NDRG3: variants seen among roughly 807,000 people sequenced by gnomAD.
NDRG3 encodes the protein NDRG family member 3.
NDRG3 carries 23 observed loss-of-function variants against 57.2 expected under a neutral mutation model. The ratio of observed to expected loss-of-function variants is 0.40; its 90% CI spans 0.29 to 0.57. The LOEUF (loss-of-function observed/expected upper bound fraction) is 0.57, where lower values mean the gene tolerates loss of function less well. Among genes scored for constraint, NDRG3 ranks in the 20% least tolerant of loss-of-function variants. The probability of loss-of-function intolerance (pLI) is 0.42; values close to 1 mark genes in which losing one functional copy is unlikely to be tolerated. For synonymous variants in NDRG3, 132 were observed against 162.6 expected (o/e 0.81, Z 1.43); for missense variants, 384 against 457.3 (o/e 0.84, Z 1.46).
intron 6 of NDRG3, 84 bp downstream of exon 6, chr20:36,684,329 C>A: frequency 8.8e-7 from 1 of 1,142,292 alleles, no homozygotes; most frequent in Non-Finnish European, 1.3e-6. Context: ...TTTTCCTAAC[C>A]ATCATATCCT....
At chr20:36,655,918 G>A (rs1401965157) in intron 15 of NDRG3, among the ~76,000 whole-genome samples, 1 of 152,120 alleles carries the variant, frequency 6.6e-6, no homozygotes, top group Non-Finnish European at 1.5e-5. Flanking sequence ...GGCAGATCAT[G>A]AGGTCAAGAG....
chr20:36,653,921 G>A lies in NDRG3; in HGVS notation c.947-220C>T, dbSNP rs1978430601. Among the ~76,000 whole-genome samples the A allele has an allele frequency of 6.6e-6, 1 of 152,184 alleles. No individual in the cohort carries two copies. On this transcript the variant is annotated intron_variant, in intron 15 of 15. Coordinates refer to ENST00000349004, the MANE Select transcript of NDRG3 (RefSeq NM_032013.4). The surrounding 1 kb of genome is among the most constrained non-coding windows in gnomAD (Gnocchi z 4.2). ...GATCTGGTTGGAATCTCAGCTGATT[G>A]TAGTCACCGCAGAACAAGGGGAAAC...
chr20:36,675,614 G>C (rs541991675), intron 8 of NDRG3, among the ~76,000 whole-genome samples: 2 of 151,948 alleles, frequency 1.3e-5, no homozygotes, highest in Middle Eastern at 3.2e-3. Context: ...TCGAACTCCC[G>C]ACTTCAGGTG....
rs552621245 is a variant in NDRG3 at position 36,674,557 on chromosome 20, T to C, written c.532-3160A>G. ...TACCTTTCAAAAAAGTTCCTAGATA[T>C]GGACTTATTGAATCTCATGGTTTGA... On this transcript the variant is annotated intron_variant, in intron 8 of 15. Coordinates refer to ENST00000349004, the MANE Select transcript of NDRG3 (RefSeq NM_032013.4). Among the ~76,000 whole-genome samples, 20 of 150,760 alleles carry C rather than the reference T, an allele frequency of 1.3e-4. 1 individual carries two copies. The South Asian group carries it at 3.6e-3, about 27-fold the overall frequency.
At chr20:36,664,695 A>G (rs1427019730) in intron 12 of NDRG3, among the ~76,000 whole-genome samples, 1 of 152,110 alleles carries the variant, frequency 6.6e-6, no homozygotes, top group Non-Finnish European at 1.5e-5. Context: ...AGTGTGTTAC[A>G]TACTTTTTTT....
intron 6 of NDRG3, among the ~76,000 whole-genome samples, chr20:36,683,650 A>ATATATATG (rs1981516061): frequency 6.8e-6 from 1 of 146,264 alleles, no homozygotes; most frequent in African/African-American, 2.6e-5. Flanking sequence ...ATATATGTAT[A>ATATATATG]TATATGTATA....
At chr20:36,740,740 G>A (rs1985890195) in intron 1 of NDRG3, among the ~76,000 whole-genome samples, 1 of 152,126 alleles carries the variant, frequency 6.6e-6, no homozygotes, top group Non-Finnish European at 1.5e-5. Flanking sequence ...TTTCACTGAA[G>A]AGATAAAATC....
chr20:36,738,333 A>G (rs1390686413), intron 1 of NDRG3, among the ~76,000 whole-genome samples: 1 of 151,668 alleles, frequency 6.6e-6, no homozygotes, highest in Non-Finnish European at 1.5e-5. Context: ...CGTCTCTAAT[A>G]AAAATACAAA....
intron 4 of NDRG3, 53 bp from the exon 5 acceptor site, chr20:36,687,665 T>C (rs1981908230): frequency 2.5e-6 from 4 of 1,579,302 alleles, no homozygotes; most frequent in Non-Finnish European, 2.6e-6. Flanking sequence ...CGCCCCAATT[T>C]TCCTCTACTC....
At chr20:36,656,993 T>G (rs185568382) in intron 13 of NDRG3, among the ~76,000 whole-genome samples, 1 of 152,348 alleles carries the variant, frequency 6.6e-6, no homozygotes, top group East Asian at 1.9e-4. Context: ...GTCAGCCACT[T>G]TCCTCTAATA....
At chr20:36,712,315 T>A (rs1983932873) in intron 2 of NDRG3, among the ~76,000 whole-genome samples, 1 of 151,418 alleles carries the variant, frequency 6.6e-6, no homozygotes, top group African/African-American at 2.4e-5. Flanking sequence ...AAAAGTTCAG[T>A]ACTGCTCATT....
chr20:36,732,076 G>C (rs1243337669), intron 1 of NDRG3, among the ~76,000 whole-genome samples: 1 of 151,760 alleles, frequency 6.6e-6, no homozygotes, highest in East Asian at 2.0e-4. Context: ...AGCCACGACT[G>C]CACCGCTGCA....
chr20:36,727,950 G>A (rs1481696391), intron 1 of NDRG3, among the ~76,000 whole-genome samples: 1 of 152,188 alleles, frequency 6.6e-6, no homozygotes, highest in Non-Finnish European at 1.5e-5. Context: ...TATAGTGTCA[G>A]CTACTTGAAA....
At chr20:36,700,011 T>G (rs1456516615) in intron 3 of NDRG3, among the ~76,000 whole-genome samples, 2 of 149,140 alleles carry the variant, frequency 1.3e-5, no homozygotes, top group South Asian at 4.2e-4. Flanking sequence ...TCCCAGCTAC[T>G]CAGGAGGGAG....
At chr20:36,670,127 A>C (rs1429846613) in intron 9 of NDRG3, among the ~76,000 whole-genome samples, 1 of 152,054 alleles carries the variant, frequency 6.6e-6, no homozygotes, top group Non-Finnish European at 1.5e-5. Context: ...TGGGGTGGGG[A>C]ATTATTGAGT....
chr20:36,702,399 G>A (rs1983290121), intron 3 of NDRG3, among the ~76,000 whole-genome samples: 1 of 152,168 alleles, frequency 6.6e-6, no homozygotes. Flanking sequence ...GCCTCCCAAA[G>A]TGCTGGGATT....
chr20:36,687,267 T>C (rs1272732479), intron 5 of NDRG3, among the ~76,000 whole-genome samples: 1 of 152,194 alleles, frequency 6.6e-6, no homozygotes, highest in African/African-American at 2.4e-5. Flanking sequence ...GCACCTGCTA[T>C]GGAGAGCCAT....
intron 8 of NDRG3, among the ~76,000 whole-genome samples, chr20:36,675,644 C>G (rs976350325): frequency 5.3e-5 from 8 of 152,040 alleles, no homozygotes; most frequent in African/African-American, 1.7e-4. Context: ...CCTCGGCCTC[C>G]CAAAGTGCTG....
chr20:36,688,278 C>G (rs1981957030), intron 4 of NDRG3, among the ~76,000 whole-genome samples: 1 of 152,162 alleles, frequency 6.6e-6, no homozygotes, highest in African/African-American at 2.4e-5. Context: ...CTTAAAGTCA[C>G]TGGTGACAGG....
Sources: gnomAD v4.1 joint callset for allele counts (sites outside exome capture counted in the v4.1 genomes callset) on GRCh38, gnomAD v4.1.1 for gene constraint, Gnocchi (gnomAD v3.1) non-coding constraint, MANE v1.5 for transcripts, NCBI Gene and HGNC (gene_info 2026-07-23, HGNC 2026-07-21) for gene names.